The following BICC1 variants were observed in gnomAD, a reference collection of about 807,000 sequenced individuals.
The protein encoded by BICC1 is BicC family RNA binding protein 1.
Under a neutral mutation model 111.0 loss-of-function variants are expected in BICC1, and 43 were observed. The ratio of observed to expected loss-of-function variants is 0.39; its 90% CI spans 0.30 to 0.50. The LOEUF is 0.50. BICC1 is among the 20% of genes least tolerant of loss of function. The pLI is 0.88. For synonymous variants in BICC1, 467 were observed against 434.4 expected, an observed-to-expected ratio of 1.07 and a Z score of -0.93; for missense variants, 1,091 against 1,203.2, an observed-to-expected ratio of 0.91 and a Z score of 1.38.
intron 3 of BICC1, among the ~76,000 whole-genome samples, chr10:58,763,738 C>G (rs1589114979): frequency 6.6e-6 from 1 of 151,822 alleles, no homozygotes; most frequent in Non-Finnish European, 1.5e-5. Context: ...TTGGACCTGG[C>G]ACGTTGAAAT....
chr10:58,772,075 TG>T (rs997772478), intron 3 of BICC1, among the ~76,000 whole-genome samples: 18 of 152,220 alleles, frequency 1.2e-4, no homozygotes, highest in African/African-American at 4.1e-4. Flanking sequence ...TTTCTAGCAG[TG>T]TCTGGCCCAC....
At chr10:58,629,747 T>G (rs1837736973) in intron 2 of BICC1, among the ~76,000 whole-genome samples, 1 of 152,170 alleles carries the variant, frequency 6.6e-6, no homozygotes, top group Non-Finnish European at 1.5e-5. Flanking sequence ...TTTCTAAATT[T>G]GAGTTTGGGA....
intron 1 of BICC1, among the ~76,000 whole-genome samples, chr10:58,590,203 C>G (rs1284340249): frequency 6.6e-6 from 1 of 152,054 alleles, no homozygotes; most frequent in Non-Finnish European, 1.5e-5. Context: ...AGAAATTTGT[C>G]TTTTATACAT....
chr10:58,801,761 T>C (rs1024122750), intron 14 of BICC1, among the ~76,000 whole-genome samples: 5 of 152,190 alleles, frequency 3.3e-5, no homozygotes, highest in Admixed American at 6.5e-5. Flanking sequence ...CCTCCCATTC[T>C]TATTAAAATC....
At chr10:58,752,392 G>T (rs1031838698) in intron 3 of BICC1, among the ~76,000 whole-genome samples, 1 of 152,122 alleles carries the variant, frequency 6.6e-6, no homozygotes, top group African/African-American at 2.4e-5. Context: ...TAATTCTCTG[G>T]CACAATTGCA....
At chr10:58,581,105 T>C (rs997686300) in intron 1 of BICC1, among the ~76,000 whole-genome samples, 1 of 152,178 alleles carries the variant, frequency 6.6e-6, no homozygotes, top group Non-Finnish European at 1.5e-5. Context: ...TTTTCCATAC[T>C]TATAAAGCAA....
intron 2 of BICC1, among the ~76,000 whole-genome samples, chr10:58,632,972 A>G (rs1837844047): frequency 6.6e-6 from 1 of 152,158 alleles, no homozygotes; most frequent in Admixed American, 6.5e-5. Flanking sequence ...AAAAGTTAGG[A>G]GATCATATTG....
intron 2 of BICC1, among the ~76,000 whole-genome samples, chr10:58,698,096 A>T (rs966436087): frequency 6.6e-6 from 1 of 152,330 alleles, no homozygotes; most frequent in South Asian, 2.1e-4. Context: ...TGACTTCCCG[A>T]AAGTGAGTAA....
chr10:58,800,223 C>T lies in BICC1; in HGVS notation c.1755C>T (p.Ser585=), dbSNP rs1224704574. The T allele has an allele frequency of 1.9e-6, 3 of 1,606,674 alleles. No homozygotes were observed. In the Admixed American group the frequency reaches 5.0e-5, roughly 27 times the overall value. The change falls in exon 13 of 21, where the codon TCC becomes TCT. Residue 585 remains serine (S), a synonymous_variant. Coordinates refer to ENST00000373886, the MANE Select transcript of BICC1 (RefSeq NM_001080512.3). ...CAGATATAAAATATGGTGCAATATC[C>T]ACTTCATCACTTGGAGAAAAAGTGC... is the stretch of plus-strand genomic sequence containing the variant. ...QSPDIKYGAI[S]TSSLGEKVLS...
At position 58,512,980 on chromosome 10, in the gene BICC1, CG is replaced by C. The variant is rs540582621; in HGVS notation, c.-159del. ...GGCGGCGCCCGGGGCTGGGATGCGC[CG>C]GGGGCTCAGTGGCGGCGGCGGCGTT... On this transcript the variant is annotated 5_prime_UTR_variant, in exon 1 of 21. An upstream open reading frame in the 5' UTR loses its in-frame stop. Coordinates refer to ENST00000373886, the MANE Select transcript of BICC1 (RefSeq NM_001080512.3). Among the ~76,000 whole-genome samples, 1,159 of 147,964 alleles carry C rather than the reference CG, an allele frequency of 7.8e-3. 14 individuals carry two copies. The highest frequency in any genetic ancestry group is 0.027 in the African/African-American group (1,099 of 41,062).
intron 2 of BICC1, among the ~76,000 whole-genome samples, chr10:58,626,122 G>C (rs1265568063): frequency 6.6e-6 from 1 of 152,064 alleles, no homozygotes; most frequent in African/African-American, 2.4e-5. Flanking sequence ...TTTATAAAAG[G>C]GTATGCAGTG....
intron 1 of BICC1, among the ~76,000 whole-genome samples, chr10:58,532,200 C>G (rs1185852284): frequency 6.6e-6 from 1 of 151,532 alleles, no homozygotes; most frequent in Non-Finnish European, 1.5e-5. Flanking sequence ...CAGAGACTTT[C>G]CATAAGAATA....
intron 1 of BICC1, among the ~76,000 whole-genome samples, chr10:58,616,631 C>T (rs1229782794): frequency 6.6e-6 from 1 of 152,210 alleles, no homozygotes; most frequent in Non-Finnish European, 1.5e-5. Context: ...TGCTGGTAGA[C>T]ACCAGCACAG....
chr10:58,633,979 TTTTTTTTTTTCTTTTC>T (rs1218787137), intron 2 of BICC1, among the ~76,000 whole-genome samples: 16 of 146 alleles, frequency 0.11, no homozygotes, highest in African/African-American at 0.19. Flanking sequence ...TTCTTTTTCT[TTTTTTTTTTTCTTTTC>T]TTTTTTTTTT....
intron 1 of BICC1, among the ~76,000 whole-genome samples, chr10:58,514,342 A>C (rs1176185381): frequency 6.6e-6 from 1 of 152,228 alleles, no homozygotes; most frequent in Non-Finnish European, 1.5e-5. Flanking sequence ...AGATTCATTC[A>C]GTAGCTAGTG....
At chr10:58,744,623 A>G (rs1841775140) in intron 3 of BICC1, among the ~76,000 whole-genome samples, 2 of 152,234 alleles carry the variant, frequency 1.3e-5, no homozygotes, top group Admixed American at 6.6e-5. Flanking sequence ...TTTATTAGCC[A>G]TTGAAGAGGA....
intron 1 of BICC1, among the ~76,000 whole-genome samples, chr10:58,558,819 T>C (rs575132189): frequency 3.3e-5 from 5 of 152,100 alleles, no homozygotes; most frequent in Non-Finnish European, 5.9e-5. Flanking sequence ...TCCTCATAGA[T>C]GATGCCTTCT....
At chr10:58,607,343 A>AATAAATAAATAAATAAATAAATAAATAC (rs1374739915) in intron 1 of BICC1, among the ~76,000 whole-genome samples, 1 of 151,836 alleles carries the variant, frequency 6.6e-6, no homozygotes, top group African/African-American at 2.4e-5. Flanking sequence ...TAAATAAATA[A>AATAAATAAATAAATAAATAAATAAATAC]AACTGTCATG....
chr10:58,579,995 GA>G (rs1478278666), intron 1 of BICC1, among the ~76,000 whole-genome samples: 1 of 148,990 alleles, frequency 6.7e-6, no homozygotes, highest in African/African-American at 2.5e-5. Flanking sequence ...TTGTGTTTAA[GA>G]ACACTTAACA....
Sources: gnomAD v4.1 joint callset for allele counts (sites outside exome capture counted in the v4.1 genomes callset) on GRCh38, gnomAD v4.1.1 for gene constraint, MANE v1.5 for transcripts, NCBI Gene and HGNC (gene_info 2026-07-23, HGNC 2026-07-21) for gene names.